The following RGL1 variants were observed in gnomAD, a reference collection of about 807,000 sequenced individuals.
The protein encoded by RGL1 is ral guanine nucleotide dissociation stimulator-like 1.
A neutral mutation model predicts 95.2 loss-of-function variants in RGL1; 24 were observed. The observed-to-expected ratio is 0.25, with a 90% CI of 0.18 to 0.35. The LOEUF is 0.35. Ranked by LOEUF, RGL1 falls within the 10% of genes least tolerant of loss-of-function variation. The pLI is 1.00. For missense variants in RGL1, 715 were observed against 936.3 expected, an observed-to-expected ratio of 0.76 and a Z score of 3.08; for synonymous variants, 329 against 344.9, an observed-to-expected ratio of 0.95 and a Z score of 0.51.
intron 2 of RGL1, among the ~76,000 whole-genome samples, chr1:183,820,047 A>G (rs559259554): frequency 2.6e-5 from 4 of 152,104 alleles, no homozygotes; most frequent in African/African-American, 9.6e-5. Flanking sequence ...TTGGGCCCCT[A>G]AAGTGCTGGG....
intron 11 of RGL1, among the ~76,000 whole-genome samples, chr1:183,901,052 G>C (rs536847965): frequency 6.6e-6 from 1 of 151,662 alleles, no homozygotes; most frequent in East Asian, 2.0e-4. Context: ...TGTAATCCCA[G>C]CACTTTGGGA....
chr1:183,784,971 A>C (rs1558205614), intron 2 of RGL1, among the ~76,000 whole-genome samples: 1 of 152,204 alleles, frequency 6.6e-6, no homozygotes, highest in Non-Finnish European at 1.5e-5. Context: ...AACTAATAAA[A>C]CATTAATTTC....
chr1:183,915,208 A>G (rs1668887934), intron 15 of RGL1, among the ~76,000 whole-genome samples: 1 of 152,190 alleles, frequency 6.6e-6, no homozygotes, highest in Non-Finnish European at 1.5e-5. Flanking sequence ...AGAAAGCTCA[A>G]CTTCTATACT....
intron 2 of RGL1, among the ~76,000 whole-genome samples, chr1:183,760,568 C>CAAAAAAAAAAAAAA (rs58715145): frequency 2.0e-5 from 1 of 50,718 alleles, no homozygotes; most frequent in Non-Finnish European, 3.5e-5. Context: ...CCAGTCTCTG[C>CAAAAAAAAAAAAAA]AAAAAAAAAA....
chr1:183,790,950 T>C (rs1181903378), intron 2 of RGL1, among the ~76,000 whole-genome samples: 1 of 149,370 alleles, frequency 6.7e-6, no homozygotes, highest in Admixed American at 6.8e-5. Flanking sequence ...ACACAATCTC[T>C]GGAGGGAAGG....
In RGL1 at chr1:183,927,054, AGTTTCTGGCAACCCCGTGTATTTCC is replaced by A. The variant is rs1462037449; in HGVS notation, c.*767_*791del. The A allele has an allele frequency of 2.0e-5, 3 of 152,614 alleles. No individual in the cohort carries two copies. Among genetic ancestry groups the A allele is most frequent in the African/African-American group, 7.2e-5 (3 of 41,436 alleles). The allele number at this position is 152,614 out of a possible 1,614,324, so 9.5% of individuals were successfully genotyped here. On this transcript the variant is annotated 3_prime_UTR_variant, in exon 18 of 18. Transcript: ENST00000360851. ...CAAGCTCCTGAAACAAGCTCATTTC[AGTTTCTGGCAACCCCGTGTATTTCC>A]GTTTTCCCCCTAAAGAACATATCAT...
chr1:183,918,465 C>CAT (rs1036174430), intron 16 of RGL1, among the ~76,000 whole-genome samples: 3 of 152,228 alleles, frequency 2.0e-5, no homozygotes, highest in African/African-American at 7.2e-5. Context: ...ATGTCCACTG[C>CAT]ATAACTCTAC....
At chr1:183,916,821 C>G in intron 16 of RGL1, 120 bp downstream of exon 16, 2 of 1,143,708 alleles carry the variant, frequency 1.7e-6, no homozygotes, top group South Asian at 3.1e-5. Flanking sequence ...TACATATATG[C>G]ATTCACACAG....
chr1:183,812,272 A>G (rs1661774512), intron 2 of RGL1, among the ~76,000 whole-genome samples: 1 of 152,218 alleles, frequency 6.6e-6, no homozygotes, highest in Non-Finnish European at 1.5e-5. Flanking sequence ...TCATTCCACC[A>G]GAGAAGCTCA....
At chr1:183,672,290 T>G (rs1329304169) in intron 1 of RGL1, among the ~76,000 whole-genome samples, 1 of 152,204 alleles carries the variant, frequency 6.6e-6, no homozygotes, top group African/African-American at 2.4e-5. Flanking sequence ...TTATCCTGCT[T>G]AAAACCCAAA....
intron 1 of RGL1, among the ~76,000 whole-genome samples, chr1:183,805,943 TTTTTTCTTTTTC>T (rs1184151932): frequency 1.3e-5 from 2 of 149,622 alleles, no homozygotes; most frequent in African/African-American, 4.9e-5. Flanking sequence ...ATTCTTTTCT[TTTTTTCTTTTTC>T]TTTTTCTTTT....
intron 1 of RGL1, among the ~76,000 whole-genome samples, chr1:183,637,219 T>C (rs1284130056): frequency 1.3e-5 from 2 of 152,234 alleles, no homozygotes; most frequent in Non-Finnish European, 2.9e-5. Flanking sequence ...GTAAAATGCA[T>C]GTTGCTTGTA....
At position 183,723,817 on chromosome 1, in the gene RGL1, C is replaced by T. The variant is rs1437096506; in HGVS notation, c.-32-18309C>T. Among the ~76,000 whole-genome samples, 4 of 152,192 alleles carry T rather than the reference C, an allele frequency of 2.6e-5. No individual in the cohort carries two copies. The East Asian group carries it at 5.8e-4, about 22-fold the overall frequency. ...TGAGGGCATGCAACCTAGAGAGACA[C>T]CAGCTGGAATGGCCAAGAGAGTGCT... is the stretch of plus-strand genomic sequence containing the variant. On this transcript the variant is annotated intron_variant, in intron 1 of 18. Coordinates refer to the RGL1 transcript ENST00000304685.
chr1:183,674,876 G>A (rs77246625), intron 1 of RGL1, among the ~76,000 whole-genome samples: 3,234 of 152,248 alleles, frequency 0.021, 54 homozygotes, highest in Non-Finnish European at 0.031. Flanking sequence ...TCTTTATTTA[G>A]ATTTCTCTTC....
intron 9 of RGL1, among the ~76,000 whole-genome samples, chr1:183,894,988 A>G (rs946925563): frequency 6.6e-6 from 1 of 152,232 alleles, no homozygotes; most frequent in Non-Finnish European, 1.5e-5. Flanking sequence ...GGAAATTTCA[A>G]GACATCAGGG....
At chr1:183,788,847 C>T (rs1413191573) in intron 2 of RGL1, among the ~76,000 whole-genome samples, 2 of 152,064 alleles carry the variant, frequency 1.3e-5, no homozygotes, top group Non-Finnish European at 2.9e-5. Context: ...GGGGCACGTC[C>T]AGGATTCTTT....
rs551008973 is a variant in RGL1 at position 183,668,935 on chromosome 1, C to CTTTTTTTTTTTTTTTTTTTTTTTTT, written c.-33+32438_-33+32439insTTTTTTTTTTTTTTTTTTTTTTTTT. On this transcript the variant is annotated intron_variant, in intron 1 of 18. Coordinates refer to the RGL1 transcript ENST00000304685. Reference sequence around the variant, plus strand: ...CTTTTTGCTTTTGGTATTGGACTTTCTTTTCTTTTTTTTTTTTTTTGAGAT... The same window carrying CTTTTTTTTTTTTTTTTTTTTTTTTT: ...CTTTTTGCTTTTGGTATTGGACTTTCTTTTTTTTTTTTTTTTTTTTTTTTTTTTTCTTTTTTTTTTTTTTTGAGAT... 2.6e-5 allele frequency among the ~76,000 whole-genome samples: 3 copies of CTTTTTTTTTTTTTTTTTTTTTTTTT among 115,556 alleles called. 1 individual carries two copies. The highest frequency in any genetic ancestry group is 1.8e-5 in the Non-Finnish European group (1 of 55,460). 75.8% of individuals were successfully genotyped at this position (115,556 alleles called of 152,430 possible).
At chr1:183,725,893 A>G (rs1407382912) in intron 1 of RGL1, among the ~76,000 whole-genome samples, 1 of 152,230 alleles carries the variant, frequency 6.6e-6, no homozygotes, top group Non-Finnish European at 1.5e-5. Flanking sequence ...ATTTACCAAG[A>G]TAGACCACAT....
At chr1:183,790,550 A>G (rs1660396777) in intron 2 of RGL1, among the ~76,000 whole-genome samples, 1 of 152,190 alleles carries the variant, frequency 6.6e-6, no homozygotes, top group Non-Finnish European at 1.5e-5. Flanking sequence ...ATGTATGACA[A>G]GAATGCCAGC....
Sources: gnomAD v4.1 joint callset for allele counts (sites outside exome capture counted in the v4.1 genomes callset) on GRCh38, gnomAD v4.1.1 for gene constraint, MANE v1.5 for transcripts, NCBI Gene and HGNC (gene_info 2026-07-23, HGNC 2026-07-21) for gene names.